Variants in MYRFL observed in about 807,000 individuals in gnomAD.
MYRFL encodes the protein myelin regulatory factor-like protein.
MYRFL carries 88 observed loss-of-function variants against 109.4 expected under a neutral mutation model. That is an observed-to-expected ratio of 0.80 (90% CI 0.68 to 0.96). MYRFL has a LOEUF of 0.96. Among genes scored for constraint, MYRFL ranks in the 40% least tolerant of loss-of-function variants. The pLI, the probability that MYRFL is intolerant of heterozygous loss-of-function variation, is 0.00. For missense variants in MYRFL, 957 were observed against 954.9 expected, an observed-to-expected ratio of 1.00 and a Z score of -0.03; for synonymous variants, 324 against 320.9, an observed-to-expected ratio of 1.01 and a Z score of -0.10.
At chr12:69,949,035 C>T (rs1171410908) in intron 19 of MYRFL, among the ~76,000 whole-genome samples, 1 of 152,168 alleles carries the variant, frequency 6.6e-6, no homozygotes, top group Non-Finnish European at 1.5e-5. Context: ...GTGAGCCCAG[C>T]ATTACCCTAT....
At chr12:69,926,469 TTTTCAACAGTATAATCCAGCTGTC>T in intron 13 of MYRFL, 78 bp from the exon 14 acceptor site, 1 of 1,010,272 alleles carries the variant, frequency 9.9e-7, no homozygotes, top group Non-Finnish European at 1.3e-6. Flanking sequence ...TCTGTAACCA[TTTTCAACAGTATAATCCAGCTGTC>T]TTTGAATGGG....
intron 2 of MYRFL, among the ~76,000 whole-genome samples, chr12:69,864,226 C>G (rs1295990481): frequency 2.0e-5 from 3 of 152,072 alleles, no homozygotes; most frequent in Non-Finnish European, 4.4e-5. Context: ...TGTTTTTTAA[C>G]ATTTATTTTT....
chr12:69,908,691 T>C (rs1046194406), intron 11 of MYRFL, among the ~76,000 whole-genome samples: 6 of 152,238 alleles, frequency 3.9e-5, no homozygotes, highest in Non-Finnish European at 7.3e-5. Context: ...TAATCATATA[T>C]GATTACGTAT....
intron 1 of MYRFL, among the ~76,000 whole-genome samples, chr12:69,837,496 C>A (rs964014347): frequency 3.3e-5 from 5 of 152,122 alleles, no homozygotes; most frequent in African/African-American, 1.2e-4. Context: ...AAGGGATGCA[C>A]ACTTACTGTG....
chr12:69,869,363 C>T (rs879853031), intron 2 of MYRFL, among the ~76,000 whole-genome samples: 1 of 152,162 alleles, frequency 6.6e-6, no homozygotes, highest in Non-Finnish European at 1.5e-5. Flanking sequence ...CAATTCCCAT[C>T]CCCTCATCCT....
At chr12:69,848,613 C>T (rs145015899) in intron 1 of MYRFL, among the ~76,000 whole-genome samples, 1 of 151,808 alleles carries the variant, frequency 6.6e-6, no homozygotes, top group Non-Finnish European at 1.5e-5. Context: ...TTGAAGTTGC[C>T]TATTATTTTA....
In MYRFL at chr12:69,955,453, TA is replaced by T; in HGVS notation, c.2450+22del. The T allele has an allele frequency of 1.7e-6, 1 of 581,950 alleles. No homozygotes were observed. The highest frequency in any genetic ancestry group is 3.0e-6 in the Non-Finnish European group (1 of 330,674). The allele number at this position is 581,950 out of a possible 1,614,324, so 36.0% of individuals were successfully genotyped here. On this transcript the variant is annotated intron_variant, in intron 22 of 24. Coordinates refer to ENST00000552032, the MANE Select transcript of MYRFL (RefSeq NM_182530.3). ...TGGAAATAAAGTAAGTGCATGGCTG[TA>T]AAAAACAATTTCATTTTTATCATTA...
At chr12:69,899,225 C>T (rs976587236) in intron 10 of MYRFL, among the ~76,000 whole-genome samples, 2 of 141,244 alleles carry the variant, frequency 1.4e-5, no homozygotes, top group African/African-American at 2.7e-5. Flanking sequence ...TTCATCCCCC[C>T]ACTAGAAATA....
chr12:69,885,558 A>G (rs575584034), intron 5 of MYRFL, among the ~76,000 whole-genome samples: 1 of 152,186 alleles, frequency 6.6e-6, no homozygotes, highest in Non-Finnish European at 1.5e-5. Context: ...ACTATTTCCC[A>G]TTCCCTCCTG....
At chr12:69,913,258 T>G (rs1954629521) in intron 13 of MYRFL, among the ~76,000 whole-genome samples, 1 of 152,224 alleles carries the variant, frequency 6.6e-6, no homozygotes, top group South Asian at 2.1e-4. Context: ...GTGGGTTGTC[T>G]TTTCACTTTC....
chr12:69,893,671 G>A, intron 7 of MYRFL, 93 bp from the exon 8 acceptor site: 2 of 654,092 alleles, frequency 3.1e-6, no homozygotes, highest in Non-Finnish European at 4.5e-6. Flanking sequence ...CTAGGATGAT[G>A]CCTTGAAAAG....
intron 22 of MYRFL, among the ~76,000 whole-genome samples, chr12:69,957,617 T>C (rs1260732908): frequency 1.3e-5 from 2 of 152,174 alleles, no homozygotes; most frequent in African/African-American, 4.8e-5. Context: ...TCGATAGCTA[T>C]CTGAGATTGG....
chr12:69,845,326 A>T (rs2136318148), intron 1 of MYRFL, among the ~76,000 whole-genome samples: 1 of 152,256 alleles, frequency 6.6e-6, no homozygotes, highest in African/African-American at 2.4e-5. Flanking sequence ...GGCACATGGT[A>T]GGTCCTTAGT....
At chr12:69,922,966 T>A (rs1467103644) in intron 13 of MYRFL, among the ~76,000 whole-genome samples, 1 of 152,216 alleles carries the variant, frequency 6.6e-6, no homozygotes, top group Non-Finnish European at 1.5e-5. Flanking sequence ...AATATGTAGA[T>A]GTTATATAGG....
chr12:69,843,628 G>C (rs946404760), intron 1 of MYRFL, among the ~76,000 whole-genome samples: 3 of 152,190 alleles, frequency 2.0e-5, no homozygotes, highest in Non-Finnish European at 4.4e-5. Flanking sequence ...TTTTTAGTAG[G>C]TCCTGTGGGT....
chr12:69,940,785 AC>A (rs1164174876), intron 19 of MYRFL, among the ~76,000 whole-genome samples: 3 of 140,440 alleles, frequency 2.1e-5, no homozygotes, highest in African/African-American at 7.9e-5. Flanking sequence ...TATTCAGGAA[AC>A]CCATCTCATG....
chr12:69,847,590 A>G (rs911180652), intron 1 of MYRFL, among the ~76,000 whole-genome samples: 2 of 152,216 alleles, frequency 1.3e-5, no homozygotes, highest in Admixed American at 1.3e-4. Context: ...TTATCCAGAC[A>G]CATATACTTC....
At chr12:69,949,444 C>G (rs1189250038) in intron 19 of MYRFL, among the ~76,000 whole-genome samples, 3 of 152,124 alleles carry the variant, frequency 2.0e-5, no homozygotes, top group Non-Finnish European at 4.4e-5. Context: ...CTAGCCACTC[C>G]CTGGGCTCCC....
intron 19 of MYRFL, among the ~76,000 whole-genome samples, chr12:69,943,482 G>A (rs543694338): frequency 1.3e-5 from 2 of 148,610 alleles, no homozygotes; most frequent in East Asian, 3.9e-4. Context: ...CTAGCCATAT[G>A]TAGAAAGCTG....
Sources: allele counts gnomAD v4.1 joint callset (sites outside exome capture counted in the v4.1 genomes callset), GRCh38; gene constraint gnomAD v4.1.1; transcripts MANE v1.5; gene names NCBI Gene and HGNC (gene_info 2026-07-23, HGNC 2026-07-21).